The following CPPED1 variants were observed in gnomAD, a reference collection of about 807,000 sequenced individuals.
CPPED1 encodes calcineurin like phosphoesterase domain containing 1.
In CPPED1, 28 loss-of-function variants were observed where a neutral mutation model predicts 28.0. The ratio of observed to expected loss-of-function variants is 1.00; its 90% CI spans 0.74 to 1.37. The LOEUF (loss-of-function observed/expected upper bound fraction) is 1.37. Ranked by LOEUF, CPPED1 falls within the 40% of genes most tolerant of loss-of-function variation. The pLI is 0.00. For synonymous variants in CPPED1, 198 were observed against 180.2 expected, an observed-to-expected ratio of 1.10 and a Z score of -0.79; for missense variants, 504 against 416.5, an observed-to-expected ratio of 1.21 and a Z score of -1.83.
At chr16:12,785,431 T>C (rs1302767411) in intron 1 of CPPED1, among the ~76,000 whole-genome samples, 3 of 149,482 alleles carry the variant, frequency 2.0e-5, no homozygotes, top group South Asian at 4.2e-4. Context: ...GAATTCTTTT[T>C]TTTTTTTTTT....
chr16:12,798,440 T>G (rs1212344545), intron 1 of CPPED1, among the ~76,000 whole-genome samples: 2 of 152,254 alleles, frequency 1.3e-5, no homozygotes, highest in African/African-American at 4.8e-5. Context: ...TGGAGATACC[T>G]TTCCAGGTCT....
intron 1 of CPPED1, among the ~76,000 whole-genome samples, chr16:12,798,104 TA>T (rs2080638315): frequency 6.6e-6 from 1 of 151,936 alleles, no homozygotes; most frequent in Non-Finnish European, 1.5e-5. Context: ...ATACAATAAA[TA>T]AATAAATAAA....
chr16:12,734,886 G>A (rs1399075460), intron 2 of CPPED1, among the ~76,000 whole-genome samples: 1 of 152,076 alleles, frequency 6.6e-6, no homozygotes, highest in African/African-American at 2.4e-5. Flanking sequence ...GATGAACCTG[G>A]GTCAGGTGGT....
chr16:12,745,007 T>C (rs1037296063), intron 2 of CPPED1, among the ~76,000 whole-genome samples: 3 of 151,466 alleles, frequency 2.0e-5, no homozygotes, highest in Non-Finnish European at 4.4e-5. Flanking sequence ...AAAGTAAAAA[T>C]AACAGATTAG....
At chr16:12,801,372 C>T (rs539881486) in intron 1 of CPPED1, among the ~76,000 whole-genome samples, 3 of 152,186 alleles carry the variant, frequency 2.0e-5, no homozygotes, top group South Asian at 4.1e-4. Context: ...GGATTACAGG[C>T]GTGAGCCACC....
chr16:12,679,764 A>G (rs1217775197), intron 3 of CPPED1, among the ~76,000 whole-genome samples: 4 of 152,310 alleles, frequency 2.6e-5, no homozygotes, highest in Non-Finnish European at 5.9e-5. Flanking sequence ...TTGACACGCT[A>G]AACTAAAGCA....
chr16:12,751,584 A>T (rs1314733433), intron 2 of CPPED1, among the ~76,000 whole-genome samples: 1 of 152,184 alleles, frequency 6.6e-6, no homozygotes, highest in African/African-American at 2.4e-5. Flanking sequence ...ATGAAGGAGC[A>T]GAAAGCTAGG....
At chr16:12,695,057 C>A (rs920640108) in intron 3 of CPPED1, among the ~76,000 whole-genome samples, 2 of 152,142 alleles carry the variant, frequency 1.3e-5, no homozygotes, top group East Asian at 3.8e-4. Flanking sequence ...GTATTACAGG[C>A]ATGAGCCACC....
intron 2 of CPPED1, among the ~76,000 whole-genome samples, chr16:12,766,955 C>T (rs1235383876): frequency 6.6e-6 from 1 of 151,928 alleles, no homozygotes; most frequent in African/African-American, 2.4e-5. Context: ...AACACAAGAG[C>T]ATTCAGATCC....
chr16:12,764,316 G>A (rs1267145476), intron 2 of CPPED1, among the ~76,000 whole-genome samples: 1 of 151,902 alleles, frequency 6.6e-6, no homozygotes, highest in Non-Finnish European at 1.5e-5. Context: ...CGATTCTCGT[G>A]CCTCAGCCTC....
At chr16:12,749,743 A>G (rs373530069) in intron 2 of CPPED1, among the ~76,000 whole-genome samples, 66 of 152,242 alleles carry the variant, frequency 4.3e-4, no homozygotes, top group African/African-American at 1.5e-3. Context: ...ATCCGCCACC[A>G]TACCTGGCTA....
At chr16:12,707,266 C>T (rs1267300342) in intron 2 of CPPED1, among the ~76,000 whole-genome samples, 6 of 152,142 alleles carry the variant, frequency 3.9e-5, no homozygotes, top group Non-Finnish European at 8.8e-5. Context: ...TCTTTCTGTT[C>T]ACACTGACTT....
chr16:12,691,706 G>C (rs1210938084), intron 3 of CPPED1, among the ~76,000 whole-genome samples: 1 of 150,840 alleles, frequency 6.6e-6, no homozygotes, highest in Non-Finnish European at 1.5e-5. Context: ...GCAAACTATC[G>C]CAAGGACAAA....
chr16:12,772,460 G>C (rs2080475443), intron 2 of CPPED1, among the ~76,000 whole-genome samples: 3 of 152,152 alleles, frequency 2.0e-5, no homozygotes, highest in African/African-American at 7.2e-5. Flanking sequence ...TTGAAGTTCA[G>C]ACTTTTCTAC....
chr16:12,763,164 G>A (rs980131775), intron 2 of CPPED1, among the ~76,000 whole-genome samples: 3 of 151,824 alleles, frequency 2.0e-5, no homozygotes, highest in African/African-American at 4.8e-5. Flanking sequence ...CCTGGGAGGC[G>A]GAGGGTGCAG....
chr16:12,665,009 G>A lies in CPPED1; in HGVS notation c.822C>T (p.Asp274=), dbSNP rs200764803. The A allele has an allele frequency of 1.2e-6, 2 of 1,610,950 alleles. No individual in the cohort carries two copies. Among genetic ancestry groups the A allele is most frequent in the East Asian group, 2.2e-5 (1 of 44,796 alleles). ...SSAIGCQLGR[D]PHGLRVVVVT... Reference sequence around the variant, plus strand: ...CCACCACGACTCGGAGCCCGTGGGGGTCTCTGCCCAGCTGGCATCCAATGG... The same window carrying A: ...CCACCACGACTCGGAGCCCGTGGGGATCTCTGCCCAGCTGGCATCCAATGG... Residue 274 remains aspartate, a synonymous_variant, in exon 4 of 4, where the codon GAC becomes GAT. Transcript: ENST00000381774.
intron 2 of CPPED1, among the ~76,000 whole-genome samples, chr16:12,767,997 TA>T (rs1433917730): frequency 7.9e-5 from 12 of 152,122 alleles, no homozygotes; most frequent in Non-Finnish European, 1.5e-4. Context: ...TTGGACACTG[TA>T]TGACTTAGTG....
At chr16:12,794,536 A>G (rs1227737622) in intron 1 of CPPED1, among the ~76,000 whole-genome samples, 3 of 146,922 alleles carry the variant, frequency 2.0e-5, no homozygotes, top group East Asian at 4.0e-4. Flanking sequence ...TACAGGTTGC[A>G]TATCTCTTAT....
intron 1 of CPPED1, among the ~76,000 whole-genome samples, chr16:12,792,763 C>G (rs555991888): frequency 6.6e-6 from 1 of 152,182 alleles, no homozygotes; most frequent in Non-Finnish European, 1.5e-5. Flanking sequence ...CCTGCACACG[C>G]TCTCTTGCCT....
Sources: gnomAD v4.1 joint callset for allele counts (sites outside exome capture counted in the v4.1 genomes callset) on GRCh38, gnomAD v4.1.1 for gene constraint, MANE v1.5 for transcripts, NCBI Gene and HGNC (gene_info 2026-07-23, HGNC 2026-07-21) for gene names.